The following ABLIM1 variants were observed in gnomAD, a reference collection of about 807,000 sequenced individuals.
The protein encoded by ABLIM1 is actin binding LIM protein 1.
In ABLIM1, 40 loss-of-function variants were observed where a neutral mutation model predicts 107.0. That is an observed-to-expected ratio of 0.37 (90% CI 0.29 to 0.49). The LOEUF is 0.49. Among genes scored for constraint, ABLIM1 ranks in the 20% least tolerant of loss-of-function variants. The pLI is 0.97. For synonymous variants in ABLIM1, 357 were observed against 357.3 expected, an observed-to-expected ratio of 1.00 and a Z score of 0.01; for missense variants, 857 against 1,008.5, an observed-to-expected ratio of 0.85 and a Z score of 2.04.
chr10:114,714,101 G>T (rs1181655917), intron 1 of ABLIM1, among the ~76,000 whole-genome samples: 1 of 152,192 alleles, frequency 6.6e-6, no homozygotes, highest in African/African-American at 2.4e-5. Flanking sequence ...CTTCCCAAAA[G>T]AACACTGTCT....
At position 114,512,209 on chromosome 10, in the gene ABLIM1, G is replaced by A. The variant is rs553306901; in HGVS notation, c.895-20331C>T. Among the ~76,000 whole-genome samples, 8 of 152,282 alleles carry A rather than the reference G, an allele frequency of 5.3e-5. No individual in the cohort carries two copies. In the South Asian group the frequency reaches 1.2e-3, roughly 24 times the overall value. ...ACAAAAGGATGTTTTTTTCCTGTGC[G>A]TAAAAAGGGCTGAAATTAGCGAACT... On this transcript the variant is annotated intron_variant, in intron 6 of 22. Coordinates refer to ENST00000533213, the MANE Select transcript of ABLIM1 (RefSeq NM_002313.7).
At chr10:114,628,145 T>C (rs1263408300) in intron 1 of ABLIM1, among the ~76,000 whole-genome samples, 1 of 151,910 alleles carries the variant, frequency 6.6e-6, no homozygotes, top group East Asian at 1.9e-4. Context: ...AGACAAATTG[T>C]TCACATCTGT....
intron 1 of ABLIM1, among the ~76,000 whole-genome samples, chr10:114,712,961 G>A (rs1413913734): frequency 1.3e-5 from 2 of 152,106 alleles, no homozygotes; most frequent in Non-Finnish European, 2.9e-5. Flanking sequence ...AAGATGGGAG[G>A]ATCCCTTGAG....
At chr10:114,468,696 G>A (rs2065783616) in intron 10 of ABLIM1, among the ~76,000 whole-genome samples, 1 of 152,122 alleles carries the variant, frequency 6.6e-6, no homozygotes, top group Admixed American at 6.6e-5. Context: ...ATCTGCCATG[G>A]GGCTCAGACA....
intron 1 of ABLIM1, among the ~76,000 whole-genome samples, chr10:114,741,111 G>T (rs1392267726): frequency 6.6e-6 from 1 of 151,062 alleles, no homozygotes; most frequent in African/African-American, 2.4e-5. Context: ...GAAAATCAGG[G>T]AAGATACTGT....
the ABLIM1 span, among the ~76,000 whole-genome samples, chr10:114,787,704 GT>G: frequency 8.6e-6 from 1 of 116,136 alleles, no homozygotes. Context: ...CGGGAGGGAG[GT>G]GGGGGGGTCA....
intron 1 of ABLIM1, among the ~76,000 whole-genome samples, chr10:114,615,774 C>T (rs1057021671): frequency 2.7e-5 from 4 of 150,770 alleles, no homozygotes; most frequent in Non-Finnish European, 5.9e-5. Context: ...ACCACTCAAC[C>T]GATGACAAAA....
At chr10:114,685,673 G>T (rs1366855154), upstream of ABLIM1, among the ~76,000 whole-genome samples, 2 of 152,210 alleles carry the variant, frequency 1.3e-5, no homozygotes, top group Non-Finnish European at 2.9e-5. Context: ...ATTGCTCGTT[G>T]ATAAAATGCT....
At chr10:114,439,666 A>G (rs547464858) in intron 20 of ABLIM1, 10 of 360,546 alleles carry the variant, frequency 2.8e-5, no homozygotes, top group African/African-American at 2.1e-4. Flanking sequence ...AAGGAATGTC[A>G]TGAGGGCAAA....
chr10:114,599,615 A>G (rs1591503875), intron 2 of ABLIM1, among the ~76,000 whole-genome samples: 1 of 151,970 alleles, frequency 6.6e-6, no homozygotes, highest in East Asian at 1.9e-4. Flanking sequence ...CTGCTGAAAA[A>G]AAACCACACA....
At chr10:114,487,027 C>T (rs1402092071) in intron 8 of ABLIM1, among the ~76,000 whole-genome samples, 4 of 152,216 alleles carry the variant, frequency 2.6e-5, no homozygotes, top group Non-Finnish European at 4.4e-5. Flanking sequence ...ATAATCATTG[C>T]TCCAAAGCCA....
rs1224071361 is a variant in ABLIM1 at position 114,463,089 on chromosome 10, C to T, written c.1441+2609G>A. 6 of 1,292,802 alleles carry T rather than the reference C, an allele frequency of 4.6e-6. No individual in the cohort carries two copies. In the South Asian group the frequency reaches 4.9e-5, roughly 11 times the overall value. The allele number at this position is 1,292,802 out of a possible 1,614,324, so 80.1% of individuals were successfully genotyped here. On this transcript the variant is annotated intron_variant, in intron 12 of 22. Transcript: ENST00000533213. ...GTGGTGTCGGAAAGGGGGGTTGGGG[C>T]GGGAGTCGCTGTGGGTGGGGCTGAG...
intron 1 of ABLIM1, among the ~76,000 whole-genome samples, chr10:114,636,333 A>G (rs977287168): frequency 6.6e-6 from 1 of 152,218 alleles, no homozygotes; most frequent in Non-Finnish European, 1.5e-5. Flanking sequence ...ATGCCACTCT[A>G]AAGAATGGAC....
rs542102011 is a variant in ABLIM1 at position 114,642,819 on chromosome 10, A to G, written c.244+15138T>C. 3.5e-4 allele frequency among the ~76,000 whole-genome samples: 54 copies of G among 152,310 alleles called. 1 individual carries two copies. The South Asian group carries it at 0.011, about 30-fold the overall frequency. On this transcript the variant is annotated intron_variant, in intron 1 of 22. Coordinates refer to ENST00000533213, the MANE Select transcript of ABLIM1 (RefSeq NM_002313.7). ...GAAAACCCCTACTGCTCACAAAAAG[A>G]GAAAAACTCAGGCTAGCCTCAGACT...
chr10:114,450,019 A>G (rs2061600765), intron 14 of ABLIM1: 1 of 258,964 alleles, frequency 3.9e-6, no homozygotes, highest in Non-Finnish European at 8.2e-6. Flanking sequence ...TTATTTGATT[A>G]TTTTTGTTCA....
intron 4 of ABLIM1, 66 bp from the exon 5 acceptor site, chr10:114,547,842 A>G (rs2067552205): frequency 2.5e-6 from 4 of 1,575,668 alleles, no homozygotes; most frequent in East Asian, 2.3e-5. Context: ...AGGCAGCCCA[A>G]TTTCAACCCC....
At chr10:114,521,785 G>T (rs2063781588) in intron 6 of ABLIM1, among the ~76,000 whole-genome samples, 1 of 152,068 alleles carries the variant, frequency 6.6e-6, no homozygotes, top group Non-Finnish European at 1.5e-5. Flanking sequence ...TCGGGGATAT[G>T]ATAGTACCTG....
intron 1 of ABLIM1, among the ~76,000 whole-genome samples, chr10:114,700,117 T>G (rs985244885): frequency 1.3e-5 from 2 of 152,174 alleles, no homozygotes; most frequent in Non-Finnish European, 2.9e-5. Flanking sequence ...TACTCTTGAT[T>G]CTACCAAAGA....
chr10:114,482,103 C>A (rs945496858), intron 8 of ABLIM1, among the ~76,000 whole-genome samples: 1 of 152,136 alleles, frequency 6.6e-6, no homozygotes, highest in Non-Finnish European at 1.5e-5. Context: ...GTGACACCCC[C>A]CAGATTATTA....
Sources: allele counts gnomAD v4.1 joint callset (sites outside exome capture counted in the v4.1 genomes callset), GRCh38; gene constraint gnomAD v4.1.1; transcripts MANE v1.5; gene names NCBI Gene and HGNC (gene_info 2026-07-23, HGNC 2026-07-21).